Variants in MTFR1 observed in about 807,000 individuals in gnomAD.
The protein encoded by MTFR1 is mitochondrial fission regulator 1.
MTFR1 carries 28 observed loss-of-function variants against 38.8 expected under a neutral mutation model. The observed-to-expected ratio is 0.72, with a 90% CI of 0.53 to 0.99. The LOEUF is 0.99. MTFR1 is among the 50% of genes least tolerant of loss of function. The pLI is 0.00. For missense variants in MTFR1, 358 were observed against 395.5 expected, an observed-to-expected ratio of 0.91 and a Z score of 0.81; for synonymous variants, 145 against 137.0, an observed-to-expected ratio of 1.06 and a Z score of -0.41.
At position 65,724,831 on chromosome 8, in the gene MTFR1, C is replaced by T. The variant is rs149348453; in HGVS notation, c.*48+5350C>T. 44 of 1,612,340 alleles carry T rather than the reference C, an allele frequency of 2.7e-5. No homozygotes were observed. The East Asian group carries it at 9.6e-4, about 35-fold the overall frequency. On this transcript the variant is annotated intron_variant, in intron 3 of 3. Coordinates refer to the MTFR1 transcript ENST00000521247. ...CTTCTAGGCATAAATCACCTCTATC[C>T]AAATGGGACCTAAACAAAGACAGAT... is the stretch of plus-strand genomic sequence containing the variant.
chr8:65,740,935 G>A lies in MTFR1; in HGVS notation c.*48+21454G>A, dbSNP rs141255252. Among the ~76,000 whole-genome samples the A allele has an allele frequency of 3.4e-3, 523 of 152,224 alleles. 2 individuals are homozygous for A. Among genetic ancestry groups the A allele is most frequent in the African/African-American group, 0.012 (478 of 41,530 alleles). ...ACCTGCTCCATCCCCCTACAGAGCC[G>A]AGTTTTTGGAAAGAGCTGCTACACG... On this transcript the variant is annotated intron_variant, in intron 3 of 3. Transcript: ENST00000521247.
At chr8:65,690,570 T>G (rs1805246191) in intron 3 of MTFR1, among the ~76,000 whole-genome samples, 1 of 152,228 alleles carries the variant, frequency 6.6e-6, no homozygotes, top group African/African-American at 2.4e-5. Context: ...GTTTTTTTGT[T>G]TTTCTTTTTT....
downstream of MTFR1, among the ~76,000 whole-genome samples, chr8:65,775,166 C>T (rs1010389859): frequency 3.9e-5 from 6 of 152,172 alleles, no homozygotes; most frequent in South Asian, 2.1e-4. Flanking sequence ...TGAGTATGCA[C>T]GTTAGCTCCA....
chr8:65,701,574 T>C (rs1440998432), intron 4 of MTFR1, among the ~76,000 whole-genome samples: 1 of 152,222 alleles, frequency 6.6e-6, no homozygotes, highest in Admixed American at 6.5e-5. Context: ...GGCTTAAAAA[T>C]GTTTCGGATA....
At chr8:65,654,267 A>T (rs1452518237) in intron 1 of MTFR1, among the ~76,000 whole-genome samples, 1 of 151,784 alleles carries the variant, frequency 6.6e-6, no homozygotes, top group East Asian at 1.9e-4. Flanking sequence ...CTGTTACTTT[A>T]TTGTTTTTTA....
At chr8:65,683,176 G>A (rs1804960336) in intron 3 of MTFR1, among the ~76,000 whole-genome samples, 1 of 144,812 alleles carries the variant, frequency 6.9e-6, no homozygotes, top group African/African-American at 2.6e-5. Context: ...CCTGTTGCCA[G>A]GCTGGAGTGC....
intron 4 of MTFR1, among the ~76,000 whole-genome samples, chr8:65,703,228 G>T (rs1805667802): frequency 6.6e-6 from 1 of 151,260 alleles, no homozygotes; most frequent in African/African-American, 2.4e-5. Flanking sequence ...AAAGAGAAAA[G>T]AAAAAAATTA....
At chr8:65,676,425 G>T (rs146857842) in intron 2 of MTFR1, among the ~76,000 whole-genome samples, 1 of 152,054 alleles carries the variant, frequency 6.6e-6, no homozygotes, top group African/African-American at 2.4e-5. Context: ...GTGCAGTGGC[G>T]CATTCTTGGC....
At chr8:65,729,153 A>C (rs201565596) in intron 3 of MTFR1, among the ~76,000 whole-genome samples, 1 of 151,444 alleles carries the variant, frequency 6.6e-6, no homozygotes, top group Non-Finnish European at 1.5e-5. Flanking sequence ...AAGAAATGTC[A>C]AAAAAGAAAC....
intron 7 of MTFR1, among the ~76,000 whole-genome samples, chr8:65,708,504 C>A (rs919836889): frequency 6.6e-6 from 1 of 152,132 alleles, no homozygotes; most frequent in Non-Finnish European, 1.5e-5. Flanking sequence ...AGGATGTGTA[C>A]CATGTCAAAG....
chr8:65,685,935 G>T (rs1362956466), intron 3 of MTFR1, among the ~76,000 whole-genome samples: 1 of 152,062 alleles, frequency 6.6e-6, no homozygotes, highest in African/African-American at 2.4e-5. Context: ...GAGTCATTGT[G>T]TGCAGACAGA....
In MTFR1 at chr8:65,663,529, T is replaced by TAA. The variant is rs377759904; in HGVS notation, c.-80-6327_-80-6326dup. 3.2e-4 allele frequency among the ~76,000 whole-genome samples: 40 copies of TAA among 123,318 alleles called. No individual in the cohort carries two copies. In the East Asian group the frequency reaches 4.1e-3, roughly 13 times the overall value. 80.9% of individuals were successfully genotyped at this position (123,318 alleles called of 152,430 possible). On this transcript the variant is annotated intron_variant, in intron 1 of 7. Transcript: ENST00000262146. The stretch of plus-strand genomic sequence containing the variant: ...GAGAAACACCCAAGAATGATCAATT[T>TAA]AAAAAAAAAAAAAAAAAAGAGCAAA...
intron 1 of MTFR1, among the ~76,000 whole-genome samples, chr8:65,650,039 AC>A (rs2129047028): frequency 6.6e-6 from 1 of 150,870 alleles, no homozygotes; most frequent in East Asian, 2.0e-4. Flanking sequence ...GGGTTTCACT[AC>A]GTTGGCCAGA....
At chr8:65,757,004 CG>C (rs1362407282) in intron 3 of MTFR1, among the ~76,000 whole-genome samples, 2 of 152,116 alleles carry the variant, frequency 1.3e-5, no homozygotes, top group Non-Finnish European at 2.9e-5. Flanking sequence ...CCATGCCCTC[CG>C]TAGGTGCACC....
chr8:65,753,547 T>C (rs971490966), intron 3 of MTFR1, among the ~76,000 whole-genome samples: 1 of 151,540 alleles, frequency 6.6e-6, no homozygotes, highest in African/African-American at 2.4e-5. Flanking sequence ...AAAGAAAAAT[T>C]AAGACTTCTT....
At chr8:65,687,447 G>A (rs771744644) in intron 3 of MTFR1, among the ~76,000 whole-genome samples, 6 of 150,270 alleles carry the variant, frequency 4.0e-5, no homozygotes, top group Non-Finnish European at 7.4e-5. Flanking sequence ...CCAGGTTCAC[G>A]CCATTCTCCT....
intron 3 of MTFR1, chr8:65,723,698 C>A: frequency 9.9e-7 from 1 of 1,008,094 alleles, no homozygotes; most frequent in South Asian, 2.3e-5. Flanking sequence ...CTTGAACATA[C>A]CTGTGCATTT....
At chr8:65,731,236 G>C (rs1348412981) in intron 3 of MTFR1, among the ~76,000 whole-genome samples, 1 of 152,152 alleles carries the variant, frequency 6.6e-6, no homozygotes, top group African/African-American at 2.4e-5. Flanking sequence ...CTCAGAGCAT[G>C]AATAAGTGTA....
downstream of MTFR1, among the ~76,000 whole-genome samples, chr8:65,772,919 A>C (rs1200474512): frequency 6.6e-6 from 1 of 152,282 alleles, no homozygotes; most frequent in East Asian, 1.9e-4. Context: ...GAGGTGGGAG[A>C]ATCACTTGAA....
Sources: allele counts gnomAD v4.1 joint callset (sites outside exome capture counted in the v4.1 genomes callset), GRCh38; gene constraint gnomAD v4.1.1; transcripts MANE v1.5; gene names NCBI Gene and HGNC (gene_info 2026-07-23, HGNC 2026-07-21).